Variants in ZNF892 observed in about 807,000 individuals in gnomAD.
The protein encoded by ZNF892 is zinc finger protein 570-like.
chr2:95,232,821 A>G, the ZNF892 span, among the ~76,000 whole-genome samples: 5 of 8,704 alleles, frequency 5.7e-4, no homozygotes, highest in African/African-American at 9.9e-4. Flanking sequence ...ACATGTATGT[A>G]TATGTATGTA....
chr2:95,231,713 T>C, the ZNF892 span, among the ~76,000 whole-genome samples: 8 of 152,310 alleles, frequency 5.3e-5, no homozygotes, highest in Admixed American at 3.9e-4. Context: ...CTCTGTACTA[T>C]TACTGAGCTT....
chr2:95,213,197 G>T, the ZNF892 span, among the ~76,000 whole-genome samples: 1 of 152,120 alleles, frequency 6.6e-6, no homozygotes, highest in Non-Finnish European at 1.5e-5. Context: ...ACATCAGATA[G>T]GCAAGTCCCT....
the ZNF892 span, among the ~76,000 whole-genome samples, chr2:95,257,051 C>T: frequency 6.6e-5 from 10 of 152,328 alleles, no homozygotes; most frequent in East Asian, 1.9e-3. Context: ...GTTTGATCAT[C>T]TGAAGCCTTC....
chr2:95,251,385 A>G, the ZNF892 span, among the ~76,000 whole-genome samples: 1 of 152,216 alleles, frequency 6.6e-6, no homozygotes, highest in South Asian at 2.1e-4. Context: ...CCTTTCAGAT[A>G]TAAAAATCCA....
At chr2:95,250,683 T>G in the ZNF892 span, among the ~76,000 whole-genome samples, 1 of 141,594 alleles carries the variant, frequency 7.1e-6, no homozygotes, top group Admixed American at 7.3e-5. Context: ...AAATATAAAC[T>G]ATTCATAAAT....
the ZNF892 span, among the ~76,000 whole-genome samples, chr2:95,228,200 G>C: frequency 6.6e-6 from 1 of 152,162 alleles, no homozygotes; most frequent in South Asian, 2.1e-4. Flanking sequence ...TGCGTTTTCT[G>C]TCTATTTCCT....
the ZNF892 span, among the ~76,000 whole-genome samples, chr2:95,252,109 A>C: frequency 2.7e-3 from 410 of 152,182 alleles, 1 homozygote; most frequent in Middle Eastern, 6.8e-3. Context: ...TTATACTTTA[A>C]GTTTTAGGGT....
chr2:95,254,918 G>A, the ZNF892 span, among the ~76,000 whole-genome samples: 20 of 152,148 alleles, frequency 1.3e-4, no homozygotes, highest in African/African-American at 3.4e-4. Context: ...CTGTGGGATC[G>A]GTGGTGATAT....
the ZNF892 span, among the ~76,000 whole-genome samples, chr2:95,256,057 T>C: frequency 1.9e-4 from 29 of 152,354 alleles, no homozygotes; most frequent in East Asian, 5.6e-3. Context: ...TGTCTTTTAA[T>C]TGGAGCATTT....
the ZNF892 span, among the ~76,000 whole-genome samples, chr2:95,221,421 TC>T: frequency 6.6e-6 from 1 of 152,224 alleles, no homozygotes; most frequent in African/African-American, 2.4e-5. Flanking sequence ...TGTTAAAGAA[TC>T]CTCGCACTTC....
chr2:95,256,347 G>A, the ZNF892 span, among the ~76,000 whole-genome samples: 18 of 152,072 alleles, frequency 1.2e-4, no homozygotes, highest in African/African-American at 4.3e-4. Flanking sequence ...GTTTGGCTGG[G>A]TATGAAATTC....
the ZNF892 span, among the ~76,000 whole-genome samples, chr2:95,216,868 T>C: frequency 6.6e-6 from 1 of 152,232 alleles, no homozygotes; most frequent in Non-Finnish European, 1.5e-5. Flanking sequence ...GGGACTCTAA[T>C]GAAAGAAATG....
chr2:95,249,430 G>A, the ZNF892 span, among the ~76,000 whole-genome samples: 1 of 146,022 alleles, frequency 6.8e-6, no homozygotes, highest in South Asian at 2.2e-4. Context: ...TGTATATTTA[G>A]TAGAGACGGG....
the ZNF892 span, among the ~76,000 whole-genome samples, chr2:95,221,191 G>A: frequency 6.6e-6 from 1 of 152,112 alleles, no homozygotes; most frequent in Admixed American, 6.6e-5. Flanking sequence ...CAGGTGCTAC[G>A]TAACTATTAG....
the ZNF892 span, among the ~76,000 whole-genome samples, chr2:95,225,605 A>G: frequency 4.5e-4 from 68 of 152,356 alleles, 1 homozygote; most frequent in Middle Eastern, 3.4e-3. Context: ...TGGAGGGGGT[A>G]AACATTCAAA....
At chr2:95,206,821 G>A in the ZNF892 span, among the ~76,000 whole-genome samples, 1 of 152,128 alleles carries the variant, frequency 6.6e-6, no homozygotes, top group Non-Finnish European at 1.5e-5. Flanking sequence ...TAAATTAAGG[G>A]GTCAACTGGA....
At chr2:95,241,055 C>T in the ZNF892 span, among the ~76,000 whole-genome samples, 1 of 152,194 alleles carries the variant, frequency 6.6e-6, no homozygotes, top group Non-Finnish European at 1.5e-5. Flanking sequence ...ATTTGGTCGA[C>T]TCAGCCATTC....
At chr2:95,235,640 C>T in the ZNF892 span, among the ~76,000 whole-genome samples, 2 of 152,184 alleles carry the variant, frequency 1.3e-5, no homozygotes, top group Non-Finnish European at 2.9e-5. Flanking sequence ...GGATTACAGG[C>T]GTGAGCCACC....
chr2:95,227,124 CCCTTCCTT>C, the ZNF892 span, among the ~76,000 whole-genome samples: 1 of 140,848 alleles, frequency 7.1e-6, no homozygotes, highest in African/African-American at 2.7e-5. Flanking sequence ...CTCCCTCCCT[CCCTTCCTT>C]CCTTCCTTCC....
Sources: allele counts gnomAD v4.1 joint callset (sites outside exome capture counted in the v4.1 genomes callset), GRCh38; gene constraint gnomAD v4.1.1; transcripts MANE v1.5; gene names NCBI Gene and HGNC (gene_info 2026-07-23, HGNC 2026-07-21).